Variants in PHF20 observed in about 807,000 individuals in gnomAD.
The protein encoded by PHF20 is PHD finger protein 20, also known as glioma-expressed antigen 2.
A neutral mutation model predicts 113.5 loss-of-function variants in PHF20; 23 were observed. That is an observed-to-expected ratio of 0.20 (90% CI 0.15 to 0.29). PHF20 has a LOEUF of 0.29. PHF20 is among the 10% of genes least tolerant of loss of function. The pLI is 1.00. For missense variants in PHF20, 943 were observed against 1,219.6 expected (o/e 0.77, Z 3.38); for synonymous variants, 434 against 457.3 (o/e 0.95, Z 0.65).
At chr20:35,834,006 C>T (rs1600801751) in intron 2 of PHF20, among the ~76,000 whole-genome samples, 2 of 151,626 alleles carry the variant, frequency 1.3e-5, no homozygotes, top group African/African-American at 2.4e-5. Flanking sequence ...TGCAGTGAGC[C>T]GAGATCATGC....
chr20:35,848,873 A>G (rs1178259675), intron 4 of PHF20, among the ~76,000 whole-genome samples: 1 of 151,856 alleles, frequency 6.6e-6, no homozygotes, highest in Non-Finnish European at 1.5e-5. Context: ...AAAAAAAAAA[A>G]AAGTCTTTTC....
chr20:35,931,994 C>T (rs893293465), intron 15 of PHF20, among the ~76,000 whole-genome samples: 2 of 151,430 alleles, frequency 1.3e-5, no homozygotes, highest in Non-Finnish European at 2.9e-5. Flanking sequence ...TGTATGCAGC[C>T]GTGAAGCCAC....
intron 1 of PHF20, among the ~76,000 whole-genome samples, chr20:35,791,491 ATCTATCTATCTT>A (rs1325369185): frequency 2.4e-5 from 3 of 122,660 alleles, no homozygotes; most frequent in Non-Finnish European, 3.4e-5. Context: ...CTATCTATCT[ATCTATCTATCTT>A]AGAATAGTAT....
rs1321951384 is a variant in PHF20, at chr20:35,824,177, C to T, written c.84-18396C>T. Among the ~76,000 whole-genome samples, 5 of 152,158 alleles carry T rather than the reference C, an allele frequency of 3.3e-5. No homozygotes were observed. The East Asian group carries it at 9.7e-4, about 29-fold the overall frequency. ...GAGTCTCTGTACCATTTTGCATTTC[C>T]ACCAGGAATGTCAGGAATGTATGAG... On this transcript the variant is annotated intron_variant, in intron 2 of 17. Coordinates refer to ENST00000374012, the MANE Select transcript of PHF20 (RefSeq NM_016436.5).
chr20:35,772,176 A>T (rs1025323546), intron 1 of PHF20, 97 bp downstream of exon 1: 6 of 150,516 alleles, frequency 4.0e-5, no homozygotes, highest in African/African-American at 1.5e-4. Context: ...GACGGACGCC[A>T]CCGCTGCTTC....
intron 2 of PHF20, among the ~76,000 whole-genome samples, chr20:35,805,569 G>A (rs1484460502): frequency 2.0e-5 from 3 of 151,350 alleles, no homozygotes; most frequent in South Asian, 2.1e-4. Flanking sequence ...GATTTACCTC[G>A]TGATCTGCCC....
rs184553604 is a variant in PHF20 at position 35,836,582 on chromosome 20, C to T, written c.84-5991C>T. 2.5e-4 allele frequency among the ~76,000 whole-genome samples: 38 copies of T among 152,278 alleles called. 1 individual carries two copies. Among genetic ancestry groups the T allele is most frequent in the Non-Finnish European group, 4.6e-4 (31 of 68,022 alleles). Reference sequence around the variant, plus strand: ...TTAATTTGCCGGGCGCAGTGGCTCACGCCTGTAATCGCAGCACTTTGGGAG... The same window carrying T: ...TTAATTTGCCGGGCGCAGTGGCTCATGCCTGTAATCGCAGCACTTTGGGAG... On this transcript the variant is annotated intron_variant, in intron 2 of 17. Coordinates refer to ENST00000374012, the MANE Select transcript of PHF20 (RefSeq NM_016436.5).
At position 35,947,355 on chromosome 20, in the gene PHF20, ATGGAGGCTGAAATGGCC is replaced by A; in HGVS notation, c.2897-129_2897-113del. On this transcript the variant is annotated intron_variant, in intron 17 of 17. Transcript: ENST00000374012. ...GAAATGGCCCTTCCTCCCTTGCCCC[ATGGAGGCTGAAATGGCC>A]CTTCCTCCCTTGCCCCATGTCTGAT... 1.1e-5 allele frequency: 9 copies of A among 841,192 alleles called. No individual in the cohort carries two copies. In the South Asian group the frequency reaches 1.3e-4, roughly 12 times the overall value. 52.1% of individuals were successfully genotyped at this position (841,192 alleles called of 1,614,324 possible).
chr20:35,842,262 C>T (rs537473454), intron 2 of PHF20, among the ~76,000 whole-genome samples: 51 of 152,272 alleles, frequency 3.3e-4, no homozygotes, highest in Admixed American at 2.7e-3. Flanking sequence ...GGGAGAATTG[C>T]TTGAACCCAG....
At chr20:35,801,283 G>A (rs2041776060) in intron 1 of PHF20, among the ~76,000 whole-genome samples, 1 of 152,112 alleles carries the variant, frequency 6.6e-6, no homozygotes, top group South Asian at 2.1e-4. Flanking sequence ...TTGAGGGAGG[G>A]TCTTCTTAGT....
intron 10 of PHF20, among the ~76,000 whole-genome samples, chr20:35,906,277 A>C (rs2055199106): frequency 6.6e-6 from 1 of 152,190 alleles, no homozygotes; most frequent in Admixed American, 6.5e-5. Context: ...TTAAAACAAA[A>C]AGAGCAGTGT....
chr20:35,777,551 T>TAA (rs1307944505), intron 1 of PHF20, among the ~76,000 whole-genome samples: 2 of 152,218 alleles, frequency 1.3e-5, no homozygotes, highest in Non-Finnish European at 2.9e-5. Flanking sequence ...TGCAGTGGCT[T>TAA]ACGCCTGTAA....
rs1237502600 is a variant in PHF20 at position 35,871,089 on chromosome 20, G to C, written c.1057G>C (p.Asp353His). The change falls in exon 8 of 18, where the codon GAT becomes CAT. Residue 353 changes from aspartate (D) to histidine (H), a missense_variant. Coordinates refer to ENST00000374012, the MANE Select transcript of PHF20 (RefSeq NM_016436.5). ...DLVVSDLVDT[D>H]PLQDTLSSTK... ...GGTTGTATCAGATTTGGTTGATACG[G>C]ATCCTTTGCAAGACACGTTGTCTAG... 1.2e-6 allele frequency: 2 copies of C among 1,613,024 alleles called. No individual in the cohort carries two copies. Among genetic ancestry groups the C allele is most frequent in the Non-Finnish European group, 1.7e-6 (2 of 1,179,776 alleles).
Position 35,949,916 on chromosome 20 carries a change from G to C in PHF20, c.*2289G>C, listed in dbSNP as rs767127439. The C allele has an allele frequency of 3.3e-5, 5 of 152,364 alleles. No individual in the cohort carries two copies. Among genetic ancestry groups the C allele is most frequent in the Non-Finnish European group, 7.3e-5 (5 of 68,088 alleles). The allele number at this position is 152,364 out of a possible 1,614,324, so 9.4% of individuals were successfully genotyped here. ...AAAAGTACAAAAATTAGCTGGGCGTGGTGGCGGACGCCTGTAATCTCAGCT... is the reference window on the plus strand; with the variant it reads ...AAAAGTACAAAAATTAGCTGGGCGTCGTGGCGGACGCCTGTAATCTCAGCT... On this transcript the variant is annotated 3_prime_UTR_variant, in exon 18 of 18. Transcript: ENST00000374012.
chr20:35,788,317 C>T (rs1045345609), intron 1 of PHF20, among the ~76,000 whole-genome samples: 3 of 150,538 alleles, frequency 2.0e-5, no homozygotes, highest in Non-Finnish European at 4.4e-5. Context: ...AGGATGGTCT[C>T]GATCTCCTAA....
In PHF20 at chr20:35,899,379, C is replaced by T. The variant is rs550441401; in HGVS notation, c.1292C>T (p.Thr431Ile). The T allele has an allele frequency of 6.2e-7, 1 of 1,603,684 alleles. No individual in the cohort carries two copies. The highest frequency in any genetic ancestry group is 1.3e-5 in the African/African-American group (1 of 74,528). ...TTTTTATTTTTTTCAGTAACAAATA[C>T]TTTTAAGAAAACAGATGATTTTGGG... The part of the protein sequence containing the change: ...QEISTVEVTN[T>I]FKKTDDFGSS... The change falls in exon 10 of 18, where the codon ACT (threonine) becomes ATT (isoleucine). Residue 431 changes from threonine (T) to isoleucine (I), a missense_variant. Thr to Ile is a moderately conservative substitution (Grantham distance 89). Coordinates refer to ENST00000374012, the MANE Select transcript of PHF20 (RefSeq NM_016436.5).
chr20:35,830,900 G>C (rs1413391902), intron 2 of PHF20, among the ~76,000 whole-genome samples: 1 of 151,950 alleles, frequency 6.6e-6, no homozygotes, highest in African/African-American at 2.4e-5. Flanking sequence ...TCCTGCTGCA[G>C]TGCTTTTTAT....
intron 10 of PHF20, among the ~76,000 whole-genome samples, chr20:35,909,811 A>G (rs1444890801): frequency 1.3e-5 from 2 of 152,162 alleles, no homozygotes; most frequent in African/African-American, 4.8e-5. Flanking sequence ...TCTGATGGTT[A>G]CCAAGTGCTA....
rs559226961 is a variant in PHF20, at chr20:35,800,883, C to T, written c.-32-608C>T. Among the ~76,000 whole-genome samples the T allele has an allele frequency of 3.9e-5, 6 of 152,138 alleles. No homozygotes were observed. In the East Asian group the frequency reaches 5.8e-4, roughly 15 times the overall value. On this transcript the variant is annotated intron_variant, in intron 1 of 17. Coordinates refer to ENST00000374012, the MANE Select transcript of PHF20 (RefSeq NM_016436.5). ...ATTTTTTTTGTTTTTAAGAGACGAG[C>T]GTTTGCTATGTTTCTCAGGCTGGTC...
Sources: allele counts gnomAD v4.1 joint callset (sites outside exome capture counted in the v4.1 genomes callset), GRCh38; gene constraint gnomAD v4.1.1; transcripts MANE v1.5; gene names NCBI Gene and HGNC (gene_info 2026-07-23, HGNC 2026-07-21).